The following ENY2 variants were observed in gnomAD, a reference collection of about 807,000 sequenced individuals.
ENY2 encodes the protein transcription and mRNA export factor ENY2.
A neutral mutation model predicts 15.9 loss-of-function variants in ENY2; 4 were observed. The ratio of observed to expected loss-of-function variants is 0.25; its 90% CI spans 0.12 to 0.57. ENY2 has a LOEUF of 0.57. Ranked by LOEUF, ENY2 falls within the 20% of genes least tolerant of loss-of-function variation. ENY2 has a pLI of 0.91. For synonymous variants in ENY2, 48 were observed against 38.0 expected (o/e 1.26, Z -0.97); for missense variants, 54 against 117.2 (o/e 0.46, Z 2.49).
At chr8:109,338,413 TCAG>T (rs1178128266) in intron 2 of ENY2, 8 of 152,180 alleles carry the variant, frequency 5.3e-5, no homozygotes, top group Non-Finnish European at 1.2e-4. Flanking sequence ...ATTGCCATTC[TCAG>T]AAGAAGAACA....
Position 109,345,672 on chromosome 8 carries a change from C to G in ENY2, c.*2191C>G, listed in dbSNP as rs532685885. 6.6e-6 allele frequency: 1 copy of G among 152,178 alleles called. No individual in the cohort carries two copies. The highest frequency in any genetic ancestry group is 2.4e-5 in the African/African-American group (1 of 41,538). 9.4% of individuals were successfully genotyped at this position (152,178 alleles called of 1,614,324 possible). On this transcript the variant is annotated 3_prime_UTR_variant, in exon 5 of 5. Transcript: ENST00000521688. ...AGCGGATAGTTCTTATTTCATAGTA[C>G]TGTATATGGAAATAAACCAAATTTG...
intron 1 of ENY2, 99 bp downstream of exon 1, chr8:109,334,573 G>A: frequency 7.1e-7 from 1 of 1,398,888 alleles, no homozygotes; most frequent in Non-Finnish European, 9.5e-7. Flanking sequence ...CGCGCTCGCG[G>A]GCCTGTAGGG....
chr8:109,339,186 C>T (rs1393101348), intron 2 of ENY2, 134 bp from the exon 3 acceptor site: 1 of 686,344 alleles, frequency 1.5e-6, no homozygotes, highest in East Asian at 2.7e-5. Context: ...GCATTTGAAC[C>T]AAGATTAGGC....
At position 109,345,676 on chromosome 8, in the gene ENY2, A is replaced by G. The variant is rs937558413; in HGVS notation, c.*2195A>G. On this transcript the variant is annotated 3_prime_UTR_variant, in exon 5 of 5. Transcript: ENST00000521688. ...GATAGTTCTTATTTCATAGTACTGTATATGGAAATAAACCAAATTTGCTCA... is the reference window on the plus strand; with the variant it reads ...GATAGTTCTTATTTCATAGTACTGTGTATGGAAATAAACCAAATTTGCTCA... 4 of 152,226 alleles carry G rather than the reference A, an allele frequency of 2.6e-5. No individual in the cohort carries two copies. The highest frequency in any genetic ancestry group is 3.8e-4 in the East Asian group (2 of 5,200). 9.4% of individuals were successfully genotyped at this position (152,226 alleles called of 1,614,324 possible). A position where few individuals can be genotyped will look rare whatever the true frequency, so the allele number is the denominator to read the frequency against.
chr8:109,344,028 C>G lies in ENY2; in HGVS notation c.*547C>G, dbSNP rs1045929557. On this transcript the variant is annotated 3_prime_UTR_variant, in exon 5 of 5. Coordinates refer to ENST00000521688, the MANE Select transcript of ENY2 (RefSeq NM_020189.6). ...TGCAAGTTGGCTCCATACCAAGCTCCTTCCACATACTCTACTCATCTGAAC... is the reference window on the plus strand; with the variant it reads ...TGCAAGTTGGCTCCATACCAAGCTCGTTCCACATACTCTACTCATCTGAAC... The G allele has an allele frequency of 3.9e-5, 6 of 152,266 alleles. No homozygotes were observed. Among genetic ancestry groups the G allele is most frequent in the African/African-American group, 1.4e-4 (6 of 41,448 alleles). 9.4% of individuals were successfully genotyped at this position (152,266 alleles called of 1,614,324 possible).
At position 109,345,101 on chromosome 8, in the gene ENY2, T is replaced by A. The variant is rs986533263; in HGVS notation, c.*1620T>A. 1.3e-5 allele frequency: 2 copies of A among 152,234 alleles called. No homozygotes were observed. Among genetic ancestry groups the A allele is most frequent in the African/African-American group, 4.8e-5 (2 of 41,460 alleles). 9.4% of individuals were successfully genotyped at this position (152,234 alleles called of 1,614,324 possible). Reference sequence around the variant, plus strand: ...TTCTCATATGTTTCTCATTCCTGTTTGCCCTTCAGAGTTCAGCTTTAGTTG... The same window carrying A: ...TTCTCATATGTTTCTCATTCCTGTTAGCCCTTCAGAGTTCAGCTTTAGTTG... On this transcript the variant is annotated 3_prime_UTR_variant, in exon 5 of 5. Coordinates refer to ENST00000521688, the MANE Select transcript of ENY2 (RefSeq NM_020189.6).
intron 2 of ENY2, among the ~76,000 whole-genome samples, chr8:109,338,091 A>G (rs1761155714): frequency 6.6e-6 from 1 of 152,156 alleles, no homozygotes; most frequent in Non-Finnish European, 1.5e-5. Flanking sequence ...TGTAGGCTGT[A>G]ATAAAGTCTT....
chr8:109,336,951 A>G (rs1271430794), intron 2 of ENY2, among the ~76,000 whole-genome samples: 2 of 151,962 alleles, frequency 1.3e-5, no homozygotes, highest in Non-Finnish European at 2.9e-5. Context: ...GCAAATATGT[A>G]TAAGGAAGAG....
At chr8:109,341,809 G>A (rs943172875) in intron 4 of ENY2, among the ~76,000 whole-genome samples, 6 of 152,002 alleles carry the variant, frequency 3.9e-5, no homozygotes, top group Admixed American at 6.5e-5. Flanking sequence ...GTATAGGTTC[G>A]TGTAGCTACC....
chr8:109,339,568 A>G, intron 3 of ENY2, 178 bp downstream of exon 3: 1 of 503,330 alleles, frequency 2.0e-6, no homozygotes, highest in Non-Finnish European at 3.5e-6. Context: ...AAATTTTTAG[A>G]AATTTTCTGT....
At position 109,334,356 on chromosome 8, in the gene ENY2, G is replaced by C; in HGVS notation, c.-113G>C. The C allele has an allele frequency of 1.3e-6, 2 of 1,503,566 alleles. No homozygotes were observed. The highest frequency in any genetic ancestry group is 1.8e-6 in the Non-Finnish European group (2 of 1,091,386). 93.1% of individuals were successfully genotyped at this position (1,503,566 alleles called of 1,614,324 possible). A position where few individuals can be genotyped will look rare whatever the true frequency, so the allele number is the denominator to read the frequency against. ...CGTGTTCTAGCTTTCTGTGTGCTTA[G>C]GTGCCCGAGCTACTGAGGGTCTAAG... is the stretch of plus-strand genomic sequence containing the variant. On this transcript the variant is annotated 5_prime_UTR_variant, in exon 1 of 5. Transcript: ENST00000521688.
Position 109,341,044 on chromosome 8 carries a change from C to T in ENY2, c.229+481C>T, listed in dbSNP as rs147993894. On this transcript the variant is annotated intron_variant, in intron 4 of 4. Transcript: ENST00000521688. Reference sequence around the variant, plus strand: ...TGTTCAGAGTAATTCATATTTAAGACTCACAATGCAACCACCTTCTTAATT... The same window carrying T: ...TGTTCAGAGTAATTCATATTTAAGATTCACAATGCAACCACCTTCTTAATT... Among the ~76,000 whole-genome samples, 978 of 152,230 alleles carry T rather than the reference C, an allele frequency of 6.4e-3. 7 individuals carry two copies. The highest frequency in any genetic ancestry group is 0.051 in the Middle Eastern group (15 of 294).
At chr8:109,334,750 C>G in intron 1 of ENY2, 1 of 513,380 alleles carries the variant, frequency 1.9e-6, no homozygotes, top group Non-Finnish European at 3.4e-6. Flanking sequence ...AGTGAGAAAA[C>G]TGAGGCCTTT....
chr8:109,340,542 G>A lies in ENY2; in HGVS notation c.208G>A (p.Glu70Lys). The change falls in exon 4 of 5, where the codon GAA becomes AAA. Residue 70 changes from glutamate (E) to lysine (K), a missense_variant. By Grantham distance (56) the Glu-to-Lys change is moderately conservative. Transcript: ENST00000521688. ...EHVTVDDLVA[E>K]ITPKGRALVP... is the part of the protein sequence containing the mutation. ...CGTTACTGTTGATGACTTGGTGGCT[G>A]AAATCACTCCAAAAGGCAGAGGTAA... 1 of 1,613,508 alleles carries A rather than the reference G, an allele frequency of 6.2e-7. No homozygotes were observed. Among genetic ancestry groups the A allele is most frequent in the Non-Finnish European group, 8.5e-7 (1 of 1,179,584 alleles).
At chr8:109,341,665 A>G (rs1816114799) in intron 4 of ENY2, among the ~76,000 whole-genome samples, 1 of 152,218 alleles carries the variant, frequency 6.6e-6, no homozygotes, top group Non-Finnish European at 1.5e-5. Flanking sequence ...GAGAATGAGC[A>G]AATAAAAGAG....
In ENY2 at chr8:109,334,352, C is replaced by A; in HGVS notation, c.-117C>A. ...AATGCGTGTTCTAGCTTTCTGTGTG[C>A]TTAGGTGCCCGAGCTACTGAGGGTC... On this transcript the variant is annotated 5_prime_UTR_variant, in exon 1 of 5. Coordinates refer to ENST00000521688, the MANE Select transcript of ENY2 (RefSeq NM_020189.6). 1 of 1,478,340 alleles carries A rather than the reference C, an allele frequency of 6.8e-7. No individual in the cohort carries two copies. Among genetic ancestry groups the A allele is most frequent in the Non-Finnish European group, 9.3e-7 (1 of 1,070,402 alleles). The allele number at this position is 1,478,340 out of a possible 1,614,324, so 91.6% of individuals were successfully genotyped here. A position where few individuals can be genotyped will look rare whatever the true frequency, so the allele number is the denominator to read the frequency against.
rs932686376 is a variant in ENY2 at position 109,343,619 on chromosome 8, A to AT, written c.*145dup. On this transcript the variant is annotated 3_prime_UTR_variant, in exon 5 of 5. Transcript: ENST00000521688. ...CAGTAATGATGTATACATTGTATTG[A>AT]TTTTTTTCCCTAAATGTGTTATTTT... The AT allele has an allele frequency of 1.4e-5, 8 of 559,242 alleles. No homozygotes were observed. The highest frequency in any genetic ancestry group is 2.3e-5 in the Non-Finnish European group (8 of 345,494). 34.6% of individuals were successfully genotyped at this position (559,242 alleles called of 1,614,324 possible).
chr8:109,339,243 C>A, intron 2 of ENY2, 77 bp from the exon 3 acceptor site: 1 of 1,368,360 alleles, frequency 7.3e-7, no homozygotes, highest in Non-Finnish European at 1.0e-6. Flanking sequence ...TTTAGTTGAA[C>A]ACTGAAACTT....
chr8:109,340,630 G>A, intron 4 of ENY2, 67 bp downstream of exon 4: 3 of 1,584,562 alleles, frequency 1.9e-6, no homozygotes, highest in Non-Finnish European at 2.6e-6. Context: ...TCTCTTGCTG[G>A]TTCAGATTTT....
Sources: gnomAD v4.1 joint callset for allele counts (sites outside exome capture counted in the v4.1 genomes callset) on GRCh38, gnomAD v4.1.1 for gene constraint, MANE v1.5 for transcripts, NCBI Gene and HGNC (gene_info 2026-07-23, HGNC 2026-07-21) for gene names.